NAV3: variants seen among roughly 807,000 people sequenced by gnomAD.
NAV3 encodes pore membrane and/or filament interacting like protein 1.
Under a neutral mutation model 244.7 loss-of-function variants are expected in NAV3, and 87 were observed. The observed-to-expected ratio is 0.36, with a 90% CI of 0.30 to 0.42. NAV3 has a LOEUF of 0.42. Among genes scored for constraint, NAV3 ranks in the 20% least tolerant of loss-of-function variants. The pLI is 1.00. For missense variants in NAV3, 2,663 were observed against 2,893.3 expected, an observed-to-expected ratio of 0.92 and a Z score of 1.83; for synonymous variants, 1,126 against 1,042.2, an observed-to-expected ratio of 1.08 and a Z score of -1.55.
intron 2 of NAV3, among the ~76,000 whole-genome samples, chr12:77,579,201 A>G (rs1273861661): frequency 1.3e-5 from 2 of 152,200 alleles, no homozygotes. Context: ...AGCTGGAATC[A>G]CCACTTCACT....
chr12:77,891,520 A>C (rs1883937690), intron 1 of NAV3, among the ~76,000 whole-genome samples: 1 of 151,972 alleles, frequency 6.6e-6, no homozygotes, highest in Non-Finnish European at 1.5e-5. Context: ...ACTTATTCTC[A>C]AATCCAGATT....
intron 1 of NAV3, among the ~76,000 whole-genome samples, chr12:77,879,253 TA>T (rs1473275451): frequency 1.3e-5 from 2 of 152,218 alleles, no homozygotes; most frequent in African/African-American, 4.8e-5. Context: ...GCAAGTTGTT[TA>T]GTAGATATAT....
chr12:78,077,588 G>A (rs1216632168), intron 12 of NAV3, among the ~76,000 whole-genome samples: 1 of 152,204 alleles, frequency 6.6e-6, no homozygotes, highest in Non-Finnish European at 1.5e-5. Context: ...TTGATTCTCT[G>A]TATTAGTTTG....
intron 7 of NAV3, among the ~76,000 whole-genome samples, chr12:78,000,750 G>A (rs1182911247): frequency 3.3e-5 from 5 of 150,122 alleles, no homozygotes; most frequent in Admixed American, 6.6e-5. Context: ...TGATCCGCCC[G>A]CCTCGGCCTC....
In NAV3 at chr12:78,022,473, G is replaced by C. The variant is rs371902997; in HGVS notation, c.2023+611G>C. On this transcript the variant is annotated intron_variant, in intron 9 of 39. Transcript: ENST00000397909. Reference sequence around the variant, plus strand: ...TTACATATAGATCTATATTCGTGAGGAATCAAGTAACCTCCTAGCAAAATA... The same window carrying C: ...TTACATATAGATCTATATTCGTGAGCAATCAAGTAACCTCCTAGCAAAATA... 5.9e-5 allele frequency among the ~76,000 whole-genome samples: 9 copies of C among 152,066 alleles called. No individual in the cohort carries two copies. The East Asian group carries it at 9.7e-4, about 16-fold the overall frequency.
At chr12:78,000,021 T>C (rs970643599) in intron 7 of NAV3, among the ~76,000 whole-genome samples, 1 of 152,216 alleles carries the variant, frequency 6.6e-6, no homozygotes, top group African/African-American at 2.4e-5. Flanking sequence ...AGAAATGCAT[T>C]TGATGAATTA....
intron 2 of NAV3, among the ~76,000 whole-genome samples, chr12:77,797,711 C>G (rs953387703): frequency 6.6e-6 from 1 of 150,590 alleles, no homozygotes; most frequent in Non-Finnish European, 1.5e-5. Flanking sequence ...GGTGGTGGTG[C>G]GTGCCTGTAA....
chr12:78,167,109 T>A (rs1014599746), intron 23 of NAV3, among the ~76,000 whole-genome samples: 2 of 151,790 alleles, frequency 1.3e-5, no homozygotes, highest in African/African-American at 4.8e-5. Context: ...GGGATATTTT[T>A]AAATGGAAAA....
At chr12:77,961,606 AAT>A (rs200981999) in intron 3 of NAV3, among the ~76,000 whole-genome samples, 1 of 141,810 alleles carries the variant, frequency 7.1e-6, no homozygotes, top group Non-Finnish European at 1.5e-5. Flanking sequence ...TATATATTTG[AAT>A]ATATATTACT....
intron 5 of NAV3, among the ~76,000 whole-genome samples, chr12:77,973,284 TTGAA>T (rs1893155745): frequency 1.3e-5 from 2 of 152,030 alleles, no homozygotes; most frequent in Non-Finnish European, 2.9e-5. Flanking sequence ...AAGAAGAAAA[TTGAA>T]TGTGAAAGTA....
In NAV3 at chr12:77,709,050, G is replaced by A. The variant is rs867418945; in HGVS notation, c.72+136784G>A. 5.3e-4 allele frequency among the ~76,000 whole-genome samples: 80 copies of A among 152,150 alleles called. No individual in the cohort carries two copies. In the Middle Eastern group the frequency reaches 0.017, roughly 32 times the overall value. On this transcript the variant is annotated intron_variant, in intron 2 of 8. Transcript: ENST00000550042. The stretch of plus-strand genomic sequence containing the variant: ...CTCTTTTCCTAAGTGAATACCCTTT[G>A]TTTCTTTCTCCTGCCTGATTGCCCT...
chr12:78,205,500 T>G (rs2140091813), intron 39 of NAV3, among the ~76,000 whole-genome samples: 1 of 152,164 alleles, frequency 6.6e-6, no homozygotes, highest in Non-Finnish European at 1.5e-5. Flanking sequence ...ACAAAAGTTA[T>G]GGTATAATGT....
chr12:78,016,351 T>G (rs1301321663), intron 8 of NAV3, among the ~76,000 whole-genome samples: 1 of 152,314 alleles, frequency 6.6e-6, no homozygotes, highest in East Asian at 1.9e-4. Context: ...ATACATACAT[T>G]CATAATACCT....
chr12:77,681,359 C>T (rs1874448912), intron 2 of NAV3, among the ~76,000 whole-genome samples: 1 of 152,112 alleles, frequency 6.6e-6, no homozygotes, highest in Admixed American at 6.5e-5. Flanking sequence ...TGTAGTAATT[C>T]TCCAATATTC....
At chr12:77,613,146 G>A (rs1870993572) in intron 2 of NAV3, among the ~76,000 whole-genome samples, 1 of 152,142 alleles carries the variant, frequency 6.6e-6, no homozygotes, top group African/African-American at 2.4e-5. Flanking sequence ...GTCTGCCTTA[G>A]CAGCAATTAT....
At chr12:78,151,876 A>G (rs1014153413) in intron 22 of NAV3, among the ~76,000 whole-genome samples, 4 of 151,046 alleles carry the variant, frequency 2.6e-5, no homozygotes, top group Non-Finnish European at 1.5e-5. Context: ...TATAAAATAT[A>G]TAATGTATTA....
Position 77,881,038 on chromosome 12 carries a change from A to G in NAV3, c.243+49334A>G, listed in dbSNP as rs7961281. Among the ~76,000 whole-genome samples the G allele has an allele frequency of 2.8e-3, 434 of 152,310 alleles. 5 individuals are homozygous for G. The highest frequency in any genetic ancestry group is 0.01 in the Middle Eastern group (3 of 292). On this transcript the variant is annotated intron_variant, in intron 1 of 39. Transcript: ENST00000397909. ...CACAGCTATTCACAAGAACCATCAT[A>G]GTGCATTACAGCCTCAAACTCCTCA... is the stretch of plus-strand genomic sequence containing the variant.
intron 12 of NAV3, among the ~76,000 whole-genome samples, chr12:78,102,862 C>T (rs1472998631): frequency 6.6e-6 from 1 of 152,276 alleles, no homozygotes; most frequent in South Asian, 2.1e-4. Context: ...ACACAGGGCA[C>T]CAAGTCTCTA....
intron 23 of NAV3, among the ~76,000 whole-genome samples, chr12:78,166,091 T>A (rs1957770088): frequency 6.6e-6 from 1 of 151,854 alleles, no homozygotes; most frequent in Non-Finnish European, 1.5e-5. Flanking sequence ...ATGGAGATCA[T>A]AAATCAAGCG....
Sources: gnomAD v4.1 joint callset for allele counts (sites outside exome capture counted in the v4.1 genomes callset) on GRCh38, gnomAD v4.1.1 for gene constraint, MANE v1.5 for transcripts, NCBI Gene and HGNC (gene_info 2026-07-23, HGNC 2026-07-21) for gene names.